STK33: variants seen among roughly 807,000 people sequenced by gnomAD.
STK33 encodes serine/threonine kinase 33.
In STK33, 52 loss-of-function variants were observed where a neutral mutation model predicts 58.0. The observed-to-expected ratio is 0.90, with a 90% CI of 0.72 to 1.13. The LOEUF (loss-of-function observed/expected upper bound fraction) is 1.13. STK33 is among the 50% of genes most tolerant of loss of function. The pLI, the probability that STK33 is intolerant of heterozygous loss-of-function variation, is 0.00. For synonymous variants in STK33, 215 were observed against 200.1 expected, an observed-to-expected ratio of 1.07 and a Z score of -0.63; for missense variants, 630 against 604.2, an observed-to-expected ratio of 1.04 and a Z score of -0.45.
chr11:8,465,143 G>A (rs1481348146), intron 6 of STK33: 1 of 181,554 alleles, frequency 5.5e-6, no homozygotes, highest in Non-Finnish European at 1.1e-5. Flanking sequence ...TAAGAAAAAG[G>A]AGAAATGATT....
At chr11:8,482,001 G>A (rs927610059) in intron 1 of STK33, among the ~76,000 whole-genome samples, 2 of 152,110 alleles carry the variant, frequency 1.3e-5, no homozygotes, top group African/African-American at 4.8e-5. Flanking sequence ...ATAATAAAGC[G>A]TGTAAATCAT....
At chr11:8,373,691 C>G in the STK33 span, among the ~76,000 whole-genome samples, 1 of 152,132 alleles carries the variant, frequency 6.6e-6, no homozygotes, top group African/African-American at 2.4e-5. Context: ...ATAAGCAGAC[C>G]CTCTTCACAG....
At chr11:8,585,515 G>A (rs898919628) in intron 1 of STK33, among the ~76,000 whole-genome samples, 8 of 150,922 alleles carry the variant, frequency 5.3e-5, no homozygotes, top group African/African-American at 1.7e-4. Context: ...ATGAGCCACC[G>A]CGCCCAGCCA....
the STK33 span, among the ~76,000 whole-genome samples, chr11:8,357,757 G>T: frequency 6.6e-6 from 1 of 152,084 alleles, no homozygotes; most frequent in Non-Finnish European, 1.5e-5. Context: ...GCAGCCTTCA[G>T]GTGCACCCTA....
chr11:8,521,734 G>C (rs966007775), intron 1 of STK33, among the ~76,000 whole-genome samples: 1 of 152,072 alleles, frequency 6.6e-6, no homozygotes. Context: ...CCATCTGAAA[G>C]GGCTAATATC....
At chr11:8,562,982 C>T (rs1957215642) in intron 1 of STK33, among the ~76,000 whole-genome samples, 1 of 151,960 alleles carries the variant, frequency 6.6e-6, no homozygotes, top group South Asian at 2.1e-4. Flanking sequence ...ATTAGAGTCC[C>T]CAAGTGTTAT....
At chr11:8,583,264 T>A (rs1463531513) in intron 1 of STK33, among the ~76,000 whole-genome samples, 1 of 152,164 alleles carries the variant, frequency 6.6e-6, no homozygotes, top group African/African-American at 2.4e-5. Flanking sequence ...CACCTGTCCT[T>A]CATATCATTT....
At chr11:8,400,668 G>A (rs1937701467) in intron 15 of STK33, among the ~76,000 whole-genome samples, 1 of 152,152 alleles carries the variant, frequency 6.6e-6, no homozygotes, top group African/African-American at 2.4e-5. Flanking sequence ...TAGGAAAAGA[G>A]GAAGTCAAAT....
Position 8,392,707 on chromosome 11 carries a change from T to G in STK33, c.1348A>C (p.Thr450Pro). ...GCAGGAAATTGCTTTTCATAAGCAG[T>G]AGACTGCAAATAAAAGGTCTTGATT... Reference protein sequence around the residue: ...TSDEEEEKQSTAYEKQFPATS... With the variant: ...TSDEEEEKQSPAYEKQFPATS... Residue 450 changes from threonine to proline, a missense_variant, in exon 16 of 16, where the codon ACT becomes CCT. Coordinates refer to ENST00000687296, the MANE Select transcript of STK33 (RefSeq NM_001352389.2). 6.2e-7 allele frequency: 1 copy of G among 1,614,112 alleles called. No individual in the cohort carries two copies. The highest frequency in any genetic ancestry group is 8.5e-7 in the Non-Finnish European group (1 of 1,179,972).
chr11:8,392,434 C>T lies in STK33; in HGVS notation c.*76G>A. 2 of 1,556,164 alleles carry T rather than the reference C, an allele frequency of 1.3e-6. No individual in the cohort carries two copies. Among genetic ancestry groups the T allele is most frequent in the Non-Finnish European group, 1.8e-6 (2 of 1,134,176 alleles). ...TACAAGCTCAGCATAGGGCTGTCTT[C>T]TTCCCCTCCTACCCCCTCATCAAAG... is the stretch of plus-strand genomic sequence containing the variant. On this transcript the variant is annotated 3_prime_UTR_variant, in exon 16 of 16. Transcript: ENST00000687296.
chr11:8,510,752 A>G (rs1485810971), intron 1 of STK33, among the ~76,000 whole-genome samples: 5 of 152,094 alleles, frequency 3.3e-5, no homozygotes, highest in African/African-American at 1.2e-4. Context: ...CATTCATTGA[A>G]TATGGTGTCC....
rs954617883 is a variant in STK33, at chr11:8,498,146, T to C, written c.-465-17532A>G. Among the ~76,000 whole-genome samples, 4 of 152,296 alleles carry C rather than the reference T, an allele frequency of 2.6e-5. No individual in the cohort carries two copies. In the East Asian group the frequency reaches 5.8e-4, roughly 22 times the overall value. On this transcript the variant is annotated intron_variant, in intron 1 of 15. Transcript: ENST00000687296. ...TGGTAAAATAAACATATCATTTTGATATATGCAGAAAAAAAACATTTGACA... is the reference window on the plus strand; with the variant it reads ...TGGTAAAATAAACATATCATTTTGACATATGCAGAAAAAAAACATTTGACA...
At chr11:8,565,020 T>C (rs1957354271) in intron 1 of STK33, among the ~76,000 whole-genome samples, 2 of 152,192 alleles carry the variant, frequency 1.3e-5, no homozygotes, top group Non-Finnish European at 2.9e-5. Context: ...CTAAACTTCC[T>C]TTTAGGTTTG....
chr11:8,543,492 CACAGAAAG>C (rs1955679942), intron 1 of STK33, among the ~76,000 whole-genome samples: 1 of 151,958 alleles, frequency 6.6e-6, no homozygotes, highest in Non-Finnish European at 1.5e-5. Flanking sequence ...ATAAACCAGG[CACAGAAAG>C]ACAAACATCA....
At chr11:8,445,481 G>C (rs1159709593) in intron 11 of STK33, among the ~76,000 whole-genome samples, 1 of 152,194 alleles carries the variant, frequency 6.6e-6, no homozygotes, top group Non-Finnish European at 1.5e-5. Flanking sequence ...AATGCTTCCA[G>C]CTTTTGCCCA....
intron 15 of STK33, among the ~76,000 whole-genome samples, chr11:8,410,607 G>C (rs971743125): frequency 3.3e-4 from 50 of 151,524 alleles, no homozygotes; most frequent in African/African-American, 1.2e-3. Context: ...CAAGTAGTTG[G>C]GATTATAGGT....
intron 1 of STK33, among the ~76,000 whole-genome samples, chr11:8,547,329 C>T (rs1956001958): frequency 6.6e-6 from 1 of 152,204 alleles, no homozygotes; most frequent in Admixed American, 6.5e-5. Context: ...ATTCTCCTGC[C>T]TCAGCCTCCC....
intron 1 of STK33, among the ~76,000 whole-genome samples, chr11:8,547,424 G>A (rs1012701752): frequency 1.3e-5 from 2 of 152,178 alleles, no homozygotes; most frequent in African/African-American, 4.8e-5. Flanking sequence ...ATGTTGACCA[G>A]GCTGGTCTCG....
intron 1 of STK33, 85 bp from the exon 2 acceptor site, chr11:8,480,699 G>C (rs1311374859): frequency 2.0e-5 from 3 of 152,162 alleles, no homozygotes; most frequent in Non-Finnish European, 1.5e-5. Context: ...TGAAATCAGA[G>C]AATAGGTCTA....
Sources: allele counts gnomAD v4.1 joint callset (sites outside exome capture counted in the v4.1 genomes callset), GRCh38; gene constraint gnomAD v4.1.1; transcripts MANE v1.5; gene names NCBI Gene and HGNC (gene_info 2026-07-23, HGNC 2026-07-21).